The following PTPRB variants were observed in gnomAD, a reference collection of about 807,000 sequenced individuals.
The protein encoded by PTPRB is protein tyrosine phosphatase receptor type B, also known as receptor-type tyrosine-protein phosphatase beta.
A neutral mutation model predicts 238.1 loss-of-function variants in PTPRB; 97 were observed. The ratio of observed to expected loss-of-function variants is 0.41; its 90% CI spans 0.35 to 0.48. The LOEUF (loss-of-function observed/expected upper bound fraction) is 0.48, where lower values mean the gene tolerates loss of function less well. Among genes scored for constraint, PTPRB ranks in the 20% least tolerant of loss-of-function variants. The pLI, the probability that PTPRB is intolerant of heterozygous loss-of-function variation, is 0.30. For missense variants in PTPRB, 2,292 were observed against 2,681.9 expected (o/e 0.85, Z 3.21); for synonymous variants, 970 against 995.4 (o/e 0.97, Z 0.48).
intron 11 of PTPRB, among the ~76,000 whole-genome samples, chr12:70,573,508 T>TTTC (rs1555229468): frequency 5.7e-4 from 80 of 140,794 alleles, no homozygotes; most frequent in African/African-American, 2.2e-3. Flanking sequence ...TTCTTTTCTT[T>TTTC]TTTTTTTTTT....
At chr12:70,589,847 T>G (rs1465536033) in intron 8 of PTPRB, 117 bp downstream of exon 8, 3 of 1,018,504 alleles carry the variant, frequency 2.9e-6, no homozygotes, top group Non-Finnish European at 4.3e-6. Flanking sequence ...GTCCTTAATA[T>G]CTCAAATTCA....
chr12:70,616,780 A>C (rs1200197891), intron 3 of PTPRB, among the ~76,000 whole-genome samples: 2 of 152,188 alleles, frequency 1.3e-5, no homozygotes, highest in Non-Finnish European at 2.9e-5. Context: ...CCAATGTGGC[A>C]GAGAAATACT....
chr12:70,520,341 G>A lies in PTPRB; in HGVS notation c.*1148C>T. 3.6e-6 allele frequency: 1 copy of A among 274,716 alleles called. No individual in the cohort carries two copies. Among genetic ancestry groups the A allele is most frequent in the South Asian group, 3.1e-5 (1 of 32,482 alleles). The allele number at this position is 274,716 out of a possible 1,614,324, so 17.0% of individuals were successfully genotyped here. A position where few individuals can be genotyped will look rare whatever the true frequency, so the allele number is the denominator to read the frequency against. On this transcript the variant is annotated 3_prime_UTR_variant, in exon 34 of 34. Coordinates refer to ENST00000334414, the MANE Select transcript of PTPRB (RefSeq NM_001109754.4). ...CCTTTTGTTATTAAATGCAACTTTG[G>A]GTGATTACTTGACATTTTGACTTCA...
At chr12:70,592,142 A>G in intron 7 of PTPRB, 140 bp downstream of exon 7, 3 of 1,174,666 alleles carry the variant, frequency 2.6e-6, no homozygotes, top group Non-Finnish European at 3.6e-6. Flanking sequence ...AATGGGCCAT[A>G]CTACAGACAC....
Position 70,636,057 on chromosome 12 carries a change from T to A in PTPRB, c.65A>T (p.Gln22Leu). ...CLIFRNSEGF[Q>L]IVHVQKQQCL... ...CTGTTGTTTCTGGACATGGACAATC[T>A]GAAACCCTTCTGGAAGATGAAAAGC... is the stretch of plus-strand genomic sequence containing the variant. Residue 22 changes from glutamine to leucine, a missense_variant, in exon 2 of 34, where the codon CAG becomes CTG. Coordinates refer to ENST00000334414, the MANE Select transcript of PTPRB (RefSeq NM_001109754.4). The A allele has an allele frequency of 6.2e-7, 1 of 1,609,106 alleles. No individual in the cohort carries two copies. Among genetic ancestry groups the A allele is most frequent in the Non-Finnish European group, 8.5e-7 (1 of 1,177,032 alleles).
intron 21 of PTPRB, among the ~76,000 whole-genome samples, chr12:70,551,836 AAC>A (rs1406011936): frequency 2.0e-5 from 3 of 152,076 alleles, no homozygotes; most frequent in African/African-American, 7.2e-5. Flanking sequence ...GCTTTCTGAA[AAC>A]ACAGTGCAGA....
At chr12:70,633,493 G>C (rs896488789) in intron 2 of PTPRB, among the ~76,000 whole-genome samples, 1 of 151,976 alleles carries the variant, frequency 6.6e-6, no homozygotes, top group Non-Finnish European at 1.5e-5. Flanking sequence ...CCCCACAATG[G>C]CATATTTAAG....
In PTPRB at chr12:70,596,309, C is replaced by T; in HGVS notation, c.998G>A (p.Arg333Lys). The change falls in exon 5 of 34, where the codon AGG becomes AAG. Residue 333 changes from arginine to lysine, a missense_variant. Around this residue, in one of 4 missense-constraint regions of PTPRB, gnomAD observed 1,205 missense variants for 1,287.8 expected, o/e 0.94. Transcript: ENST00000334414. ...VLQTDPLPPA[R>K]FGVSKEKTTS... Reference sequence around the variant, plus strand: ...CGTCTTCTCTTTACTGACTCCAAACCTAGCAGGAGGTAAAGGATCTGCAAG... The same window carrying T: ...CGTCTTCTCTTTACTGACTCCAAACTTAGCAGGAGGTAAAGGATCTGCAAG... The T allele has an allele frequency of 6.3e-7, 1 of 1,575,304 alleles. No homozygotes were observed. Among genetic ancestry groups the T allele is most frequent in the Non-Finnish European group, 8.6e-7 (1 of 1,160,450 alleles).
At chr12:70,633,103 T>C (rs1051737529) in intron 2 of PTPRB, among the ~76,000 whole-genome samples, 2 of 152,226 alleles carry the variant, frequency 1.3e-5, no homozygotes, top group Non-Finnish European at 2.9e-5. Context: ...TCACATCCCA[T>C]AGATGAACAA....
In PTPRB at chr12:70,618,374, T is replaced by A. The variant is rs117033672; in HGVS notation, c.708+4016A>T. Among the ~76,000 whole-genome samples the A allele has an allele frequency of 8.6e-3, 1,314 of 152,302 alleles. 4 individuals carry two copies. Among genetic ancestry groups the A allele is most frequent in the Middle Eastern group, 0.014 (4 of 294 alleles). On this transcript the variant is annotated intron_variant, in intron 3 of 33. Transcript: ENST00000334414. The stretch of plus-strand genomic sequence containing the variant: ...ATCTGCTCACCTCGGCCTCCCAAAG[T>A]GCTGGGATTATAGGTGTAAACCACT...
intron 4 of PTPRB, among the ~76,000 whole-genome samples, chr12:70,608,197 G>C (rs1884123407): frequency 6.6e-6 from 1 of 152,176 alleles, no homozygotes; most frequent in Non-Finnish European, 1.5e-5. Flanking sequence ...TTGAATCTCT[G>C]GATGAAGGTA....
At chr12:70,586,910 A>T in intron 9 of PTPRB, 97 bp downstream of exon 9, 1 of 1,205,334 alleles carries the variant, frequency 8.3e-7, no homozygotes, top group Non-Finnish European at 1.2e-6. Flanking sequence ...AATGCCCAGT[A>T]CATAATAGGC....
At chr12:70,590,590 C>CTTTT (rs34092195) in intron 7 of PTPRB, among the ~76,000 whole-genome samples, 7 of 105,956 alleles carry the variant, frequency 6.6e-5, no homozygotes, top group Non-Finnish European at 1.2e-4. Flanking sequence ...AGATTAAGTT[C>CTTTT]TTTTTTTTTT....
chr12:70,609,922 G>A, intron 3 of PTPRB: 1 of 1,028,772 alleles, frequency 9.7e-7, no homozygotes. Flanking sequence ...CGCCCCGTGG[G>A]CGCAGCGCGC....
intron 11 of PTPRB, among the ~76,000 whole-genome samples, chr12:70,574,342 A>G: frequency 6.6e-6 from 1 of 152,360 alleles, no homozygotes; most frequent in Non-Finnish European, 1.5e-5. Context: ...AGCTCACCAC[A>G]GATATGGAGC....
chr12:70,587,085 G>A lies in PTPRB; in HGVS notation c.2233C>T (p.Pro745Ser). The change falls in exon 9 of 34, where the codon CCT becomes TCT. Residue 745 changes from proline (P) to serine (S), a missense_variant. Coordinates refer to ENST00000334414, the MANE Select transcript of PTPRB (RefSeq NM_001109754.4). ...ACTGTAGCCATGTATTTTCGTCCAG[G>A]CACCAGGTCAGTAAAAGTGAATTCT... is the stretch of plus-strand genomic sequence containing the variant. ...AKEFTFTDLV[P>S]GRKYMATVTS... 6.2e-7 allele frequency: 1 copy of A among 1,613,782 alleles called. No homozygotes were observed. The highest frequency in any genetic ancestry group is 8.5e-7 in the Non-Finnish European group (1 of 1,179,722).
intron 4 of PTPRB, among the ~76,000 whole-genome samples, chr12:70,599,327 A>G (rs890250308): frequency 1.1e-4 from 16 of 152,132 alleles, no homozygotes; most frequent in African/African-American, 3.6e-4. Flanking sequence ...GATCGTACAT[A>G]ATTAGGAAAT....
chr12:70,583,237 C>G (rs1881564324), intron 9 of PTPRB, among the ~76,000 whole-genome samples: 1 of 152,050 alleles, frequency 6.6e-6, no homozygotes, highest in Non-Finnish European at 1.5e-5. Context: ...AGGTCTAAAA[C>G]AATGTCTTGG....
At chr12:70,542,256 T>C (rs754116396) in intron 22 of PTPRB, 1 of 152,222 alleles carries the variant, frequency 6.6e-6, no homozygotes, top group Non-Finnish European at 1.5e-5. Context: ...TTTGGAGACA[T>C]GTCTATTCAG....
Sources: allele counts gnomAD v4.1 joint callset (sites outside exome capture counted in the v4.1 genomes callset), GRCh38; gene constraint gnomAD v4.1.1; regional missense constraint gnomAD v4.1.1; transcripts MANE v1.5; gene names NCBI Gene and HGNC (gene_info 2026-07-23, HGNC 2026-07-21).